The following PRKRIP1 variants were observed in gnomAD, a reference collection of about 807,000 sequenced individuals.
PRKRIP1 encodes PRKR interacting protein 1, also known as PRKR-interacting protein 1.
Under a neutral mutation model 29.3 loss-of-function variants are expected in PRKRIP1, and 29 were observed. That is an observed-to-expected ratio of 0.99 (90% CI 0.74 to 1.35). The LOEUF (loss-of-function observed/expected upper bound fraction) is 1.35. Among genes scored for constraint, PRKRIP1 ranks in the 40% most tolerant of loss-of-function variants. PRKRIP1 has a pLI of 0.00. For synonymous variants in PRKRIP1, 90 were observed against 85.1 expected (o/e 1.06, Z -0.32); for missense variants, 247 against 236.8 (o/e 1.04, Z -0.28).
At chr7:102,412,024 C>A (rs1476356594) in intron 5 of PRKRIP1, among the ~76,000 whole-genome samples, 1 of 151,932 alleles carries the variant, frequency 6.6e-6, no homozygotes, top group Admixed American at 6.6e-5. Flanking sequence ...CTCGCTGTAA[C>A]CCCTGCCTCC....
intron 1 of PRKRIP1, among the ~76,000 whole-genome samples, 185 bp downstream of exon 1, chr7:102,396,722 T>C (rs891382528): frequency 1.3e-5 from 2 of 152,188 alleles, no homozygotes; most frequent in African/African-American, 4.8e-5. Context: ...GAACTTCCCG[T>C]CTGTCCTTGT....
intron 5 of PRKRIP1, among the ~76,000 whole-genome samples, chr7:102,410,258 C>T (rs1329685914): frequency 1.3e-5 from 2 of 152,160 alleles, no homozygotes; most frequent in Non-Finnish European, 2.9e-5. Context: ...TCTAGAGTCC[C>T]AGCTTTTCCT....
chr7:102,410,129 G>A (rs536341094), intron 5 of PRKRIP1, among the ~76,000 whole-genome samples: 2 of 152,242 alleles, frequency 1.3e-5, no homozygotes, highest in Admixed American at 1.3e-4. Flanking sequence ...CCCCTGGCAG[G>A]CAGTCTGCAA....
chr7:102,401,478 A>G (rs1554571158), intron 3 of PRKRIP1, among the ~76,000 whole-genome samples: 1 of 152,218 alleles, frequency 6.6e-6, no homozygotes, highest in Non-Finnish European at 1.5e-5. Flanking sequence ...TCATGCCTGT[A>G]ATCCCAGCAC....
intron 5 of PRKRIP1, among the ~76,000 whole-genome samples, chr7:102,409,333 T>G (rs1796312628): frequency 6.6e-6 from 1 of 152,200 alleles, no homozygotes; most frequent in African/African-American, 2.4e-5. Flanking sequence ...TGATAGGACC[T>G]CATCTCTCAA....
At chr7:102,413,684 A>G (rs1465077475) in intron 5 of PRKRIP1, among the ~76,000 whole-genome samples, 1 of 152,204 alleles carries the variant, frequency 6.6e-6, no homozygotes. Flanking sequence ...CAGTTTTTTA[A>G]TATATAAGCC....
chr7:102,399,121 C>CA (rs1167825264), intron 2 of PRKRIP1, among the ~76,000 whole-genome samples: 3 of 150,774 alleles, frequency 2.0e-5, no homozygotes, highest in East Asian at 1.9e-4. Context: ...GGCCCTGTCT[C>CA]AAAAAAAAGA....
At chr7:102,397,762 T>G in intron 2 of PRKRIP1, 64 bp downstream of exon 2, 11 of 1,490,860 alleles carry the variant, frequency 7.4e-6, no homozygotes, top group South Asian at 2.3e-5. Context: ...AAGGTAGCTA[T>G]AGGCTGGGCG....
intron 3 of PRKRIP1, among the ~76,000 whole-genome samples, chr7:102,402,567 T>C (rs934295911): frequency 2.6e-5 from 4 of 152,144 alleles, no homozygotes; most frequent in African/African-American, 9.7e-5. Flanking sequence ...TCTCAAACAC[T>C]ATAAATTCGT....
chr7:102,417,969 T>C (rs889835579), intron 5 of PRKRIP1, among the ~76,000 whole-genome samples: 3 of 151,998 alleles, frequency 2.0e-5, no homozygotes, highest in African/African-American at 7.2e-5. Flanking sequence ...TGTCTTGTGT[T>C]TCCTGCCCTG....
intron 5 of PRKRIP1, among the ~76,000 whole-genome samples, chr7:102,424,015 A>G (rs558777708): frequency 6.6e-6 from 1 of 152,342 alleles, no homozygotes; most frequent in East Asian, 1.9e-4. Context: ...GGTTGAGGGG[A>G]AAAAGGGATG....
chr7:102,407,845 C>T (rs983670879), intron 5 of PRKRIP1, among the ~76,000 whole-genome samples: 6 of 152,096 alleles, frequency 3.9e-5, no homozygotes, highest in Admixed American at 1.3e-4. Context: ...CAGCAGCTCT[C>T]GGGGCTACAT....
intron 5 of PRKRIP1, among the ~76,000 whole-genome samples, chr7:102,414,767 CCCAGCTACAAGG>C (rs1447590943): frequency 6.6e-6 from 1 of 152,086 alleles, no homozygotes; most frequent in Non-Finnish European, 1.5e-5. Flanking sequence ...TGCCTGTAGT[CCCAGCTACAAGG>C]GAGGCTGAGG....
chr7:102,405,830 C>G (rs1276537710), intron 4 of PRKRIP1: 1 of 282,590 alleles, frequency 3.5e-6, no homozygotes, highest in Non-Finnish European at 7.4e-6. Context: ...AGAATAGGAA[C>G]CATTACAATC....
chr7:102,407,856 C>T (rs1453227394), intron 5 of PRKRIP1, among the ~76,000 whole-genome samples: 1 of 152,148 alleles, frequency 6.6e-6, no homozygotes, highest in Non-Finnish European at 1.5e-5. Flanking sequence ...GGGGCTACAT[C>T]CCTCCTCGAT....
intron 5 of PRKRIP1, 63 bp from the exon 6 acceptor site, chr7:102,424,951 T>G: frequency 6.5e-7 from 1 of 1,541,872 alleles, no homozygotes; most frequent in Non-Finnish European, 8.8e-7. Flanking sequence ...CTCTCCTCTT[T>G]GAAAGCACCC....
chr7:102,423,499 A>AC, intron 5 of PRKRIP1: 1 of 226,930 alleles, frequency 4.4e-6, no homozygotes, highest in Admixed American at 5.2e-5. Context: ...CTTAGTGAAT[A>AC]GGAGATCTCG....
intron 5 of PRKRIP1, among the ~76,000 whole-genome samples, chr7:102,408,716 T>C (rs1439579735): frequency 6.6e-6 from 1 of 152,186 alleles, no homozygotes; most frequent in Non-Finnish European, 1.5e-5. Context: ...CATTGACGTA[T>C]TAAAATAGAA....
At chr7:102,403,443 C>A (rs1382453448) in intron 3 of PRKRIP1, among the ~76,000 whole-genome samples, 1 of 152,190 alleles carries the variant, frequency 6.6e-6, no homozygotes, top group African/African-American at 2.4e-5. Flanking sequence ...ATGGCTGTGA[C>A]TGGAAGAAAC....
Sources: gnomAD v4.1 joint callset for allele counts (sites outside exome capture counted in the v4.1 genomes callset) on GRCh38, gnomAD v4.1.1 for gene constraint, MANE v1.5 for transcripts, NCBI Gene and HGNC (gene_info 2026-07-23, HGNC 2026-07-21) for gene names.